Variants in WIPF1 observed in about 807,000 individuals in gnomAD.
WIPF1 encodes WAS/WASL-interacting protein family member 1.
A neutral mutation model predicts 35.4 loss-of-function variants in WIPF1; 13 were observed. The ratio of observed to expected loss-of-function variants is 0.37; its 90% CI spans 0.24 to 0.58. The LOEUF is 0.58. Among genes scored for constraint, WIPF1 ranks in the 20% least tolerant of loss-of-function variants. WIPF1 has a pLI of 0.74. For missense variants in WIPF1, 591 were observed against 667.0 expected (o/e 0.89, Z 1.25); for synonymous variants, 267 against 266.3 (o/e 1.00, Z -0.02).
chr2:174,645,762 C>T (rs867837755), intron 1 of WIPF1, among the ~76,000 whole-genome samples: 33 of 152,238 alleles, frequency 2.2e-4, no homozygotes, highest in African/African-American at 7.0e-4. Context: ...TGGGGTTATT[C>T]TTCTTCGGCA....
At chr2:174,592,720 C>G (rs901201228) in intron 1 of WIPF1, among the ~76,000 whole-genome samples, 1 of 151,842 alleles carries the variant, frequency 6.6e-6, no homozygotes, top group Non-Finnish European at 1.5e-5. Flanking sequence ...ATTCTCCTGC[C>G]TCAGCCTCCC....
rs554262065 is a variant in WIPF1 at position 174,643,284 on chromosome 2, T to C, written c.-39+39490A>G. 8.0e-5 allele frequency among the ~76,000 whole-genome samples: 12 copies of C among 149,914 alleles called. No homozygotes were observed. The South Asian group carries it at 2.3e-3, about 28-fold the overall frequency. ...CAATAATGATAATGGAAAAATGCTA[T>C]TCAAATATTCTGTTCCTATTTATTT... On this transcript the variant is annotated intron_variant, in intron 1 of 8. Coordinates refer to the WIPF1 transcript ENST00000272746.
chr2:174,570,778 A>G (rs1180127930), intron 5 of WIPF1: 2 of 152,192 alleles, frequency 1.3e-5, no homozygotes, highest in South Asian at 2.1e-4. Context: ...TGCGTAAAGG[A>G]AAAAAATGCC....
intron 3 of WIPF1, among the ~76,000 whole-genome samples, chr2:174,580,198 G>A (rs557714247): frequency 6.6e-6 from 1 of 152,164 alleles, no homozygotes; most frequent in South Asian, 2.1e-4. Flanking sequence ...TGATCCACCC[G>A]CCTCAGCCTC....
At chr2:174,612,578 G>GTTT (rs71024820) in intron 1 of WIPF1, among the ~76,000 whole-genome samples, 10 of 149,970 alleles carry the variant, frequency 6.7e-5, no homozygotes, top group African/African-American at 1.2e-4. Flanking sequence ...GACATGAACA[G>GTTT]TTTTTTTTTA....
intron 4 of WIPF1, 183 bp downstream of exon 4, chr2:174,575,021 G>A: frequency 1.2e-6 from 1 of 851,394 alleles, no homozygotes; most frequent in Non-Finnish European, 2.0e-6. Flanking sequence ...CTGTGTAGCT[G>A]TCTGATCCTG....
intron 1 of WIPF1, among the ~76,000 whole-genome samples, chr2:174,624,286 T>A (rs1287247256): frequency 6.6e-6 from 1 of 152,148 alleles, no homozygotes; most frequent in Non-Finnish European, 1.5e-5. Context: ...GGAGGAGAAG[T>A]CTTCCCGCAA....
chr2:174,568,450 AT>A (rs1684735232), intron 5 of WIPF1, among the ~76,000 whole-genome samples: 1 of 152,228 alleles, frequency 6.6e-6, no homozygotes, highest in Non-Finnish European at 1.5e-5. Flanking sequence ...TGATGAAAGA[AT>A]TTTTTTAAAA....
intron 1 of WIPF1, among the ~76,000 whole-genome samples, chr2:174,637,729 G>A (rs1687214921): frequency 6.6e-6 from 1 of 152,238 alleles, no homozygotes; most frequent in Non-Finnish European, 1.5e-5. Flanking sequence ...GGAGCTTGCA[G>A]TGAGTCGAGA....
chr2:174,563,471 G>A (rs926890294), intron 7 of WIPF1, among the ~76,000 whole-genome samples: 4 of 152,126 alleles, frequency 2.6e-5, no homozygotes, highest in Non-Finnish European at 5.9e-5. Flanking sequence ...GGGAGGCTGT[G>A]GTGGGAGGAT....
At chr2:174,652,107 T>C (rs1687544845) in intron 1 of WIPF1, among the ~76,000 whole-genome samples, 2 of 152,254 alleles carry the variant, frequency 1.3e-5, no homozygotes, top group South Asian at 4.1e-4. Flanking sequence ...TATAGCTTTT[T>C]ATGTCTTAGC....
chr2:174,651,654 C>T (rs138023803), intron 1 of WIPF1, among the ~76,000 whole-genome samples: 45 of 152,244 alleles, frequency 3.0e-4, no homozygotes, highest in African/African-American at 1.0e-3. Flanking sequence ...ACAAACACAA[C>T]GATGTGTTAT....
At chr2:174,621,535 C>T (rs542072264) in intron 1 of WIPF1, among the ~76,000 whole-genome samples, 3 of 152,172 alleles carry the variant, frequency 2.0e-5, no homozygotes, top group African/African-American at 4.8e-5. Context: ...TGGATACTTC[C>T]TCTTGTCTGT....
Position 174,572,014 on chromosome 2 carries a change from G to A in WIPF1, c.791C>T (p.Pro264Leu). The change falls in exon 5 of 8, where the codon CCC becomes CTC. Residue 264 changes from proline to leucine, a missense_variant. Around this residue, in one of 3 missense-constraint regions of WIPF1, gnomAD observed 471 missense variants for 501.1 expected, o/e 0.94. Transcript: ENST00000679041. ...GCCCACTGGAGGAGGTGGTGGAGGG[G>A]GTTTGTCATCCAAGGCCCTGCTGGG... ...PTPSRALDDK[P>L]PPPPPPVGNR... The A allele has an allele frequency of 1.3e-6, 2 of 1,546,256 alleles. No homozygotes were observed. Among genetic ancestry groups the A allele is most frequent in the Non-Finnish European group, 1.7e-6 (2 of 1,149,682 alleles).
At chr2:174,638,829 A>G (rs1687238696) in intron 1 of WIPF1, among the ~76,000 whole-genome samples, 1 of 152,226 alleles carries the variant, frequency 6.6e-6, no homozygotes, top group Non-Finnish European at 1.5e-5. Context: ...TATTGTAAAC[A>G]GTGCTACAAT....
At chr2:174,595,290 C>CAAAAAA (rs377491345) in intron 1 of WIPF1, among the ~76,000 whole-genome samples, 5 of 45,276 alleles carry the variant, frequency 1.1e-4, no homozygotes, top group African/African-American at 3.2e-4. Flanking sequence ...AACCCTGTCT[C>CAAAAAA]AAAAAAAAAA....
At chr2:174,564,048 G>A (rs1267422795) in intron 7 of WIPF1, among the ~76,000 whole-genome samples, 3 of 152,182 alleles carry the variant, frequency 2.0e-5, no homozygotes, top group Non-Finnish European at 4.4e-5. Context: ...CAAGTGGTTA[G>A]TAGAATGAGG....
At chr2:174,601,497 GA>G (rs376179678), upstream of WIPF1, among the ~76,000 whole-genome samples, 664 of 152,294 alleles carry the variant, frequency 4.4e-3, 4 homozygotes, top group Middle Eastern at 0.017. Flanking sequence ...GGAAGGGGGG[GA>G]AATAAAAAGA....
chr2:174,664,614 G>A (rs1006094175), intron 1 of WIPF1, among the ~76,000 whole-genome samples: 2 of 152,132 alleles, frequency 1.3e-5, no homozygotes, highest in East Asian at 1.9e-4. Flanking sequence ...TGTCGGGCTC[G>A]GCCCACACCA....
Sources: gnomAD v4.1 joint callset for allele counts (sites outside exome capture counted in the v4.1 genomes callset) on GRCh38, gnomAD v4.1.1 for gene constraint, gnomAD v4.1.1 regional missense constraint, MANE v1.5 for transcripts, NCBI Gene and HGNC (gene_info 2026-07-23, HGNC 2026-07-21) for gene names.